The following WDPCP variants were observed in gnomAD, a reference collection of about 807,000 sequenced individuals.
WDPCP encodes the protein WD repeat containing planar cell polarity effector.
In WDPCP, 71 loss-of-function variants were observed where a neutral mutation model predicts 93.1. That is an observed-to-expected ratio of 0.76 (90% CI 0.63 to 0.93). The LOEUF is 0.93. Ranked by LOEUF, WDPCP falls within the 40% of genes least tolerant of loss-of-function variation. The probability of loss-of-function intolerance (pLI) is 0.00; values close to 1 mark genes in which losing one functional copy is unlikely to be tolerated. For missense variants in WDPCP, 844 were observed against 887.4 expected, an observed-to-expected ratio of 0.95 and a Z score of 0.62; for synonymous variants, 315 against 315.0, an observed-to-expected ratio of 1.00 and a Z score of 0.00.
At chr2:63,798,148 T>A (rs1022974983) in intron 2 of WDPCP, among the ~76,000 whole-genome samples, 1 of 152,200 alleles carries the variant, frequency 6.6e-6, no homozygotes, top group African/African-American at 2.4e-5. Context: ...AGGGATTTCA[T>A]CAACACAAGC....
At chr2:63,322,154 T>A (rs1687153852) in intron 12 of WDPCP, among the ~76,000 whole-genome samples, 1 of 152,050 alleles carries the variant, frequency 6.6e-6, no homozygotes, top group Non-Finnish European at 1.5e-5. Flanking sequence ...AGCTAAAGGA[T>A]TGTAAATGCA....
At chr2:63,186,960 T>C (rs568193497) in intron 14 of WDPCP, among the ~76,000 whole-genome samples, 18 of 152,314 alleles carry the variant, frequency 1.2e-4, no homozygotes, top group Middle Eastern at 3.4e-3. Context: ...AAGTGGGCTA[T>C]TGAAATCTCC....
At chr2:63,463,863 G>A (rs748100311) in intron 6 of WDPCP, among the ~76,000 whole-genome samples, 8 of 152,112 alleles carry the variant, frequency 5.3e-5, no homozygotes, top group Non-Finnish European at 1.0e-4. Flanking sequence ...AGACAGAAAT[G>A]TAGAGAGAGA....
chr2:63,605,831 T>C (rs1709516617), intron 3 of WDPCP: 7 of 873,996 alleles, frequency 8.0e-6, no homozygotes, highest in Non-Finnish European at 1.4e-5. Context: ...TACACAGTAA[T>C]GATGTTATGA....
chr2:63,661,529 T>A (rs993647895), intron 2 of WDPCP, among the ~76,000 whole-genome samples: 6 of 152,210 alleles, frequency 3.9e-5, no homozygotes, highest in Non-Finnish European at 8.8e-5. Context: ...AAAATAATGA[T>A]AGAATGAACA....
intron 6 of WDPCP, among the ~76,000 whole-genome samples, chr2:63,450,977 A>C (rs1344249166): frequency 6.6e-6 from 1 of 152,140 alleles, no homozygotes; most frequent in East Asian, 1.9e-4. Flanking sequence ...AAATATAATA[A>C]TCCCCCAACA....
chr2:63,793,890 G>A (rs1274404369), intron 2 of WDPCP, among the ~76,000 whole-genome samples: 1 of 151,818 alleles, frequency 6.6e-6, no homozygotes, highest in Admixed American at 6.6e-5. Context: ...GTGTGTGTGT[G>A]TGTGTGTGTG....
intron 3 of WDPCP, among the ~76,000 whole-genome samples, chr2:63,614,098 G>C (rs1351677652): frequency 6.6e-6 from 1 of 152,110 alleles, no homozygotes; most frequent in African/African-American, 2.4e-5. Context: ...CTAGTGCTCA[G>C]AATGAAGTTT....
At chr2:63,501,890 C>T (rs1701579471) in intron 1 of WDPCP, among the ~76,000 whole-genome samples, 1 of 152,152 alleles carries the variant, frequency 6.6e-6, no homozygotes, top group Admixed American at 6.5e-5. Context: ...TGCTGGGATT[C>T]CAGGTGTGAG....
chr2:63,369,405 G>A (rs1157763089), intron 12 of WDPCP: 1 of 456,584 alleles, frequency 2.2e-6, no homozygotes, highest in Admixed American at 2.3e-5. Flanking sequence ...TGGTGGGTCT[G>A]CAGATGCAGT....
At chr2:63,297,488 A>T (rs1256443506) in intron 13 of WDPCP, among the ~76,000 whole-genome samples, 1 of 152,140 alleles carries the variant, frequency 6.6e-6, no homozygotes, top group Non-Finnish European at 1.5e-5. Flanking sequence ...CGTTCTTATC[A>T]TGCCATTTCC....
At chr2:63,563,733 A>T (rs147520668) in intron 1 of WDPCP, among the ~76,000 whole-genome samples, 22 of 152,114 alleles carry the variant, frequency 1.4e-4, no homozygotes, top group Admixed American at 1.4e-3. Flanking sequence ...CTGTGGCCTT[A>T]AAAAAGAGAA....
At chr2:63,396,658 C>T (rs2048926) in intron 10 of WDPCP, among the ~76,000 whole-genome samples, 85,166 of 150,628 alleles carry the variant, frequency 0.57, 24,332 homozygotes, top group Admixed American at 0.64. Context: ...AAGTATTTCT[C>T]TTTTTTTTTA....
intron 2 of WDPCP, among the ~76,000 whole-genome samples, chr2:63,797,610 GA>G (rs888892490): frequency 4.1e-5 from 6 of 144,930 alleles, no homozygotes; most frequent in Non-Finnish European, 6.1e-5. Context: ...TAAAGAAAAA[GA>G]AAAAAAAAGA....
chr2:63,606,069 G>C (rs776453729), intron 3 of WDPCP: 2 of 1,528,464 alleles, frequency 1.3e-6, no homozygotes, highest in Middle Eastern at 1.7e-4. Flanking sequence ...TGAGGAAGTA[G>C]TTATATGTTT....
chr2:63,204,938 C>G (rs1309771688), intron 14 of WDPCP, among the ~76,000 whole-genome samples: 3 of 152,158 alleles, frequency 2.0e-5, no homozygotes, highest in African/African-American at 7.2e-5. Flanking sequence ...GACCAATGCC[C>G]TGGAGCATTT....
intron 9 of WDPCP, among the ~76,000 whole-genome samples, chr2:63,424,370 G>T (rs555590306): frequency 2.0e-5 from 3 of 152,058 alleles, no homozygotes; most frequent in Non-Finnish European, 4.4e-5. Flanking sequence ...ACTGACCACT[G>T]AGCCAGGAGA....
intron 17 of WDPCP, among the ~76,000 whole-genome samples, chr2:63,151,291 C>T (rs1400512585): frequency 6.6e-6 from 1 of 152,120 alleles, no homozygotes; most frequent in Non-Finnish European, 1.5e-5. Flanking sequence ...GTGGTGTGAT[C>T]TCAGCTCACT....
chr2:63,802,235 C>T (rs573853279), intron 2 of WDPCP, among the ~76,000 whole-genome samples: 22 of 120,322 alleles, frequency 1.8e-4, no homozygotes, highest in African/African-American at 6.5e-4. Flanking sequence ...CACTTGCATC[C>T]AGGAGTTTGA....
Sources: gnomAD v4.1 joint callset for allele counts (sites outside exome capture counted in the v4.1 genomes callset) on GRCh38, gnomAD v4.1.1 for gene constraint, MANE v1.5 for transcripts, NCBI Gene and HGNC (gene_info 2026-07-23, HGNC 2026-07-21) for gene names.